The following PCDH15 variants were observed in gnomAD, a reference collection of about 807,000 sequenced individuals.
PCDH15 encodes protocadherin-15.
PCDH15 carries 129 observed loss-of-function variants against 178.5 expected under a neutral mutation model. The observed-to-expected ratio is 0.72, with a 90% confidence interval of 0.63 to 0.84. The LOEUF (loss-of-function observed/expected upper bound fraction) is 0.84. Ranked by LOEUF, PCDH15 falls within the 40% of genes least tolerant of loss-of-function variation. The pLI is 0.00. For synonymous variants in PCDH15, 800 were observed against 732.0 expected (o/e 1.09, Z -1.50); for missense variants, 2,230 against 2,099.9 (o/e 1.06, Z -1.21).
At chr10:54,433,967 A>G (rs1002356554) in intron 3 of PCDH15, among the ~76,000 whole-genome samples, 9 of 152,338 alleles carry the variant, frequency 5.9e-5, no homozygotes, top group African/African-American at 2.2e-4. Flanking sequence ...ATTGCCCCAA[A>G]CACCTTTCAT....
chr10:54,898,962 T>C (rs1954593196), intron 2 of PCDH15, among the ~76,000 whole-genome samples: 1 of 152,164 alleles, frequency 6.6e-6, no homozygotes, highest in South Asian at 2.1e-4. Flanking sequence ...GGAAGGAAAC[T>C]TGGAGATCAT....
chr10:54,846,842 A>C (rs1953527090), intron 3 of PCDH15, among the ~76,000 whole-genome samples: 2 of 152,182 alleles, frequency 1.3e-5, no homozygotes, highest in African/African-American at 4.8e-5. Flanking sequence ...AAGGAAAAAA[A>C]ATAAAATTCT....
intron 2 of PCDH15, among the ~76,000 whole-genome samples, chr10:55,600,481 A>G (rs1207829237): frequency 6.6e-6 from 1 of 152,158 alleles, no homozygotes; most frequent in Non-Finnish European, 1.5e-5. Flanking sequence ...TAATTCTATC[A>G]ACAGGATAAG....
intron 3 of PCDH15, among the ~76,000 whole-genome samples, chr10:54,489,845 T>TTTGC (rs963497224): frequency 2.8e-4 from 43 of 152,186 alleles, no homozygotes; most frequent in Middle Eastern, 3.4e-3. Flanking sequence ...CAGGTTAAGA[T>TTTGC]TTGCTTGCTT....
intron 25 of PCDH15, among the ~76,000 whole-genome samples, chr10:53,912,081 C>A (rs778622338): frequency 1.3e-5 from 2 of 152,142 alleles, no homozygotes; most frequent in Non-Finnish European, 2.9e-5. Context: ...AGCAGCACAT[C>A]AAAAAGCTTA....
At chr10:54,720,135 G>C (rs1320189866) in intron 1 of PCDH15, among the ~76,000 whole-genome samples, 1 of 152,034 alleles carries the variant, frequency 6.6e-6, no homozygotes, top group Admixed American at 6.6e-5. Flanking sequence ...AGATAGTATG[G>C]TGATTATTCA....
chr10:54,418,152 A>G (rs1954729018), intron 3 of PCDH15, among the ~76,000 whole-genome samples: 1 of 151,842 alleles, frequency 6.6e-6, no homozygotes, highest in Non-Finnish European at 1.5e-5. Flanking sequence ...AATCAGGATA[A>G]TATTTTGAGG....
chr10:54,748,032 C>G (rs942918196), intron 1 of PCDH15, among the ~76,000 whole-genome samples: 1 of 151,980 alleles, frequency 6.6e-6, no homozygotes, highest in African/African-American at 2.4e-5. Context: ...GTCTCGATCT[C>G]CTGACCTCGT....
chr10:54,492,788 T>C (rs1054049186), intron 3 of PCDH15, among the ~76,000 whole-genome samples: 13 of 152,172 alleles, frequency 8.5e-5, no homozygotes, highest in African/African-American at 3.1e-4. Flanking sequence ...AATCTCTTAC[T>C]GCCTTTAATT....
At chr10:54,460,767 ATTT>A (rs1413347933) in intron 3 of PCDH15, among the ~76,000 whole-genome samples, 1 of 152,058 alleles carries the variant, frequency 6.6e-6, no homozygotes. Flanking sequence ...AGAATAATAT[ATTT>A]TATCGAGGTA....
intron 3 of PCDH15, among the ~76,000 whole-genome samples, chr10:54,448,861 G>A (rs530942912): frequency 6.6e-6 from 1 of 151,864 alleles, no homozygotes; most frequent in East Asian, 1.9e-4. Context: ...ATGAATGGAT[G>A]CTTAGTCTTT....
At chr10:54,493,073 G>C (rs553684584) in intron 3 of PCDH15, among the ~76,000 whole-genome samples, 4 of 152,130 alleles carry the variant, frequency 2.6e-5, no homozygotes, top group Admixed American at 6.6e-5. Context: ...AACAGCACCA[G>C]AAAGACTTGC....
intron 1 of PCDH15, among the ~76,000 whole-genome samples, chr10:54,675,921 A>G (rs934487630): frequency 1.3e-5 from 2 of 152,206 alleles, no homozygotes; most frequent in Admixed American, 1.3e-4. Context: ...TGTTATTTAC[A>G]TTAAAGCTAA....
At chr10:55,324,502 T>C (rs1843981558), upstream of PCDH15, among the ~76,000 whole-genome samples, 1 of 151,992 alleles carries the variant, frequency 6.6e-6, no homozygotes, top group Non-Finnish European at 1.5e-5. Flanking sequence ...AAAAAGAGTA[T>C]TACATAACGG....
chr10:55,520,332 A>ATATATATACACGCAATGTG (rs1841143295), intron 2 of PCDH15, among the ~76,000 whole-genome samples: 1 of 38,040 alleles, frequency 2.6e-5, no homozygotes, highest in Non-Finnish European at 4.2e-5. Context: ...ATGTGTATAT[A>ATATATATACACGCAATGTG]TATATATATA....
chr10:54,066,115 C>T (rs1201629368), intron 18 of PCDH15, among the ~76,000 whole-genome samples: 1 of 152,168 alleles, frequency 6.6e-6, no homozygotes, highest in African/African-American at 2.4e-5. Context: ...TGCACATCTT[C>T]CTCCAATTTT....
intron 1 of PCDH15, among the ~76,000 whole-genome samples, chr10:54,774,952 A>C (rs1389953641): frequency 2.0e-5 from 3 of 152,188 alleles, no homozygotes; most frequent in African/African-American, 7.2e-5. Flanking sequence ...CTTGAACATA[A>C]GCATCACCTT....
intron 3 of PCDH15, among the ~76,000 whole-genome samples, chr10:54,877,461 A>T (rs1954166696): frequency 6.6e-6 from 1 of 152,160 alleles, no homozygotes; most frequent in African/African-American, 2.4e-5. Flanking sequence ...GATGCATGTT[A>T]TTTTTAACCA....
chr10:54,876,619 C>T (rs1021800560), intron 3 of PCDH15, among the ~76,000 whole-genome samples: 4 of 152,032 alleles, frequency 2.6e-5, no homozygotes, highest in East Asian at 1.9e-4. Flanking sequence ...CAGTTCAAAA[C>T]GTCAATGGAG....
Sources: allele counts gnomAD v4.1 joint callset (sites outside exome capture counted in the v4.1 genomes callset), GRCh38; gene constraint gnomAD v4.1.1; transcripts MANE v1.5; gene names NCBI Gene and HGNC (gene_info 2026-07-23, HGNC 2026-07-21).